Variants in TERT observed in about 807,000 individuals in gnomAD.
The protein encoded by TERT is telomerase reverse transcriptase, also known as telomerase catalytic subunit.
A neutral mutation model predicts 104.0 loss-of-function variants in TERT; 42 were observed. The ratio of observed to expected loss-of-function variants is 0.40; its 90% CI spans 0.32 to 0.52. The LOEUF is 0.52. Among genes scored for constraint, TERT ranks in the 20% least tolerant of loss-of-function variants. The probability of loss-of-function intolerance (pLI) is 0.43; values close to 1 mark genes in which losing one functional copy is unlikely to be tolerated. For missense variants in TERT, 1,101 were observed against 1,610.3 expected, an observed-to-expected ratio of 0.68 and a Z score of 5.41; for synonymous variants, 781 against 725.6, an observed-to-expected ratio of 1.08 and a Z score of -1.23.
Position 1,293,526 on chromosome 5 carries a change from G to A in TERT, c.1360C>T (p.Gln454Ter), listed in dbSNP as rs1399124852. Reference sequence around the variant, plus strand: ...TACACCTGCCAGGGGCTGCTGTGCTGGCGGAGCAGCTGCACCAGGCGACGG... The same window carrying A: ...TACACCTGCCAGGGGCTGCTGTGCTAGCGGAGCAGCTGCACCAGGCGACGG... ...DPRRLVQLLRQHSSPWQVYGF... is the reference protein window; with the variant it reads ...DPRRLVQLLR Residue 454 changes from glutamine (Q) to a stop codon, truncating the protein, a stop_gained, in exon 2 of 16, where the codon CAG (glutamine) becomes TAG (stop). Coordinates refer to ENST00000310581, the MANE Select transcript of TERT (RefSeq NM_198253.3). LOFTEE classifies it high-confidence loss of function. 6.4e-7 allele frequency: 1 copy of A among 1,561,042 alleles called. No individual in the cohort carries two copies. The highest frequency in any genetic ancestry group is 1.4e-5 in the African/African-American group (1 of 73,696).
intron 6 of TERT, among the ~76,000 whole-genome samples, chr5:1,277,042 C>T (rs575297797): frequency 3.9e-5 from 6 of 152,326 alleles, no homozygotes; most frequent in Non-Finnish European, 7.3e-5. Context: ...CCATACAGAG[C>T]GGGGCAGGAC....
At chr5:1,271,003 A>G in intron 8 of TERT, 116 bp downstream of exon 8, 3 of 817,590 alleles carry the variant, frequency 3.7e-6, no homozygotes, top group East Asian at 2.7e-5. Flanking sequence ...AGAAAAGGAG[A>G]CTCTGGTGGC....
Position 1,274,706 on chromosome 5 carries a change from C to T in TERT, c.2287-2426G>A, listed in dbSNP as rs910303043. On this transcript the variant is annotated intron_variant, in intron 6 of 15. Transcript: ENST00000310581. The surrounding 1 kb of genome is among the most constrained non-coding windows in gnomAD (Gnocchi z 5.3). ...ACACCCCACCTAGCCTCCCGCTGTG[C>T]GCCGGGTTCCTAACAGGCCCCAGAC... Among the ~76,000 whole-genome samples, 2 of 152,224 alleles carry T rather than the reference C, an allele frequency of 1.3e-5. No individual in the cohort carries two copies. The highest frequency in any genetic ancestry group is 2.4e-5 in the African/African-American group (1 of 41,464).
In TERT at chr5:1,268,427, C is replaced by T; in HGVS notation, c.2582+93G>A. ...GTCTGGTTCCTCAAGACAGAGCAGT[C>T]ATGGTCTCCAGAGCACCAGGAATAT... is the stretch of plus-strand genomic sequence containing the variant. On this transcript the variant is annotated intron_variant, in intron 9 of 15. Coordinates refer to ENST00000310581, the MANE Select transcript of TERT (RefSeq NM_198253.3). The surrounding 1 kb of genome is among the most constrained non-coding windows in gnomAD (Gnocchi z 5.5). 1 of 995,866 alleles carries T rather than the reference C, an allele frequency of 1.0e-6. No homozygotes were observed. The highest frequency in any genetic ancestry group is 1.4e-5 in the South Asian group (1 of 69,548). The allele number at this position is 995,866 out of a possible 1,614,324, so 61.7% of individuals were successfully genotyped here. A position where few individuals can be genotyped will look rare whatever the true frequency, so the allele number is the denominator to read the frequency against.
rs375454175 is a variant in TERT, at chr5:1,279,438, C to T, written c.1983G>A (p.Leu661=). ...CCCGCTCGTAGTTGAGCACGCTGAA[C>T]AGTGCCTTCACCCTCGAGGTGAGAC... ...AERLTSRVKA[L]FSVLNYERAR... is the part of the protein sequence containing the mutation. Residue 661 remains leucine (L), a synonymous_variant, in exon 5 of 16, where the codon CTG becomes CTA. Coordinates refer to ENST00000310581, the MANE Select transcript of TERT (RefSeq NM_198253.3). The T allele has an allele frequency of 2.4e-5, 37 of 1,550,744 alleles. No individual in the cohort carries two copies. The African/African-American group carries it at 4.6e-4, about 19-fold the overall frequency.
intron 2 of TERT, among the ~76,000 whole-genome samples, chr5:1,291,776 C>G (rs922287221): frequency 3.3e-5 from 5 of 152,236 alleles, no homozygotes; most frequent in African/African-American, 9.6e-5. Context: ...GGGACCACGC[C>G]TCACTCCCTG....
Position 1,255,453 on chromosome 5 carries a change from T to A in TERT, c.3033-42A>T, listed in dbSNP as rs1198323021. ...CAGCGTCAGAGGAAAGGCCTCCTAA[T>A]CAGACGGTGCTCGTGGGTGTGGGCA... On this transcript the variant is annotated intron_variant, in intron 13 of 15. Transcript: ENST00000310581. The surrounding 1 kb of genome is among the most constrained non-coding windows in gnomAD (Gnocchi z 6.9). 1 of 1,613,210 alleles carries A rather than the reference T, an allele frequency of 6.2e-7. No homozygotes were observed. Among genetic ancestry groups the A allele is most frequent in the Non-Finnish European group, 8.5e-7 (1 of 1,179,868 alleles).
chr5:1,253,841 C>CA lies in TERT; in HGVS notation c.3296-11dup. 1 of 1,603,872 alleles carries CA rather than the reference C, an allele frequency of 6.2e-7. No homozygotes were observed. The highest frequency in any genetic ancestry group is 8.5e-7 in the Non-Finnish European group (1 of 1,176,764). On this transcript the variant is annotated splice_polypyrimidine_tract_variant and intron_variant, in intron 15 of 15. Transcript: ENST00000310581. Reference sequence around the variant, plus strand: ...CTCAGCTGCGTCTGGGCTGCGGGGCCAAAATCAGACTCCGTTCCAGAAGAG... The same window carrying CA: ...CTCAGCTGCGTCTGGGCTGCGGGGCCAAAAATCAGACTCCGTTCCAGAAGAG...
rs201689770 is a variant in TERT, at chr5:1,260,498, A to G, written c.2946T>C (p.Cys982=). ...CCTGCAAATCCAGAAACAGGCTGTG[A>G]CACTTCAGCCGCAAGACCCCAAAGA... The part of the protein sequence containing the change: ...RKLFGVLRLK[C]HSLFLDLQVN... The change falls in exon 12 of 16, where the codon TGT becomes TGC. Residue 982 remains cysteine (C), a synonymous_variant. Transcript: ENST00000310581. 120 of 1,614,156 alleles carry G rather than the reference A, an allele frequency of 7.4e-5. 1 individual carries two copies. In the East Asian group the frequency reaches 2.4e-3, roughly 32 times the overall value.
rs1314321999 is a variant in TERT, at chr5:1,294,442, C to G, written c.444G>C (p.Val148=). The change falls in exon 2 of 16, where the codon GTG becomes GTC. Residue 148 remains valine, a synonymous_variant. Coordinates refer to ENST00000310581, the MANE Select transcript of TERT (RefSeq NM_198253.3). The stretch of plus-strand genomic sequence containing the variant: ...CGCAGCGTGCCAGCAGGTGAACCAG[C>G]ACGTCGTCGCCCACGCGGCGCAGCA... ...GLLLRRVGDD[V]LVHLLARCAL... 2.7e-5 allele frequency: 43 copies of G among 1,592,220 alleles called. No homozygotes were observed. The highest frequency in any genetic ancestry group is 3.4e-5 in the Non-Finnish European group (40 of 1,177,236).
intron 6 of TERT, among the ~76,000 whole-genome samples, chr5:1,276,867 T>C (rs931144233): frequency 6.6e-6 from 1 of 152,250 alleles, no homozygotes; most frequent in Non-Finnish European, 1.5e-5. Flanking sequence ...ACTGTGTTAG[T>C]GGACTGCGAT....
At chr5:1,278,565 G>A (rs1749775840) in intron 6 of TERT, 76 bp downstream of exon 6, 1 of 1,597,486 alleles carries the variant, frequency 6.3e-7, no homozygotes, top group Admixed American at 1.7e-5. Context: ...ACGCATCACA[G>A]ACACGACTGC....
chr5:1,278,826 G>C (rs761851691), intron 5 of TERT, 30 bp from the exon 6 acceptor site: 2 of 1,613,220 alleles, frequency 1.2e-6, no homozygotes, highest in African/African-American at 1.3e-5. Flanking sequence ...GAGACTGACA[G>C]TGGCCACGCA....
In TERT at chr5:1,272,235, C is replaced by A. The variant is rs781360741; in HGVS notation, c.2332G>T (p.Ala778Ser). 1.2e-5 allele frequency: 20 copies of A among 1,612,862 alleles called. No individual in the cohort carries two copies. Among genetic ancestry groups the A allele is most frequent in the Non-Finnish European group, 1.6e-5 (19 of 1,179,870 alleles). Reference sequence around the variant, plus strand: ...AGCGGGCTGGTCTCCTGCAGGTGAGCCACGAACTGTCGCATGTACGGCTGG... The same window carrying A: ...AGCGGGCTGGTCTCCTGCAGGTGAGACACGAACTGTCGCATGTACGGCTGG... ...DLQPYMRQFV[A>S]HLQETSPLRD... The change falls in exon 7 of 16, where the codon GCT becomes TCT. Residue 778 changes from alanine (A) to serine (S), a missense_variant. This residue lies in a region of TERT where 463 missense variants were observed against 797.5 expected (regional missense o/e 0.58). Coordinates refer to ENST00000310581, the MANE Select transcript of TERT (RefSeq NM_198253.3).
intron 2 of TERT, among the ~76,000 whole-genome samples, chr5:1,291,603 A>G (rs528538268): frequency 0.052 from 204 of 3,944 alleles, 10 homozygotes; most frequent in Middle Eastern, 0.083. Context: ...ACCCGGGGAC[A>G]GTGCCTCACT....
chr5:1,255,247 G>T lies in TERT; in HGVS notation c.3157+40C>A. 1 of 1,609,206 alleles carries T rather than the reference G, an allele frequency of 6.2e-7. No individual in the cohort carries two copies. Among genetic ancestry groups the T allele is most frequent in the East Asian group, 2.2e-5 (1 of 44,726 alleles). ...TCTCCTGACACACTAACACCAGCAG[G>T]CAGGCACTGCTGCCACTGAGGCCAG... On this transcript the variant is annotated intron_variant, in intron 14 of 15. Transcript: ENST00000310581. The surrounding 1 kb of genome is among the most constrained non-coding windows in gnomAD (Gnocchi z 6.9).
rs545571991 is a variant in TERT, at chr5:1,257,551, C to T, written c.3032+1047G>A. ...GAGAGAAGGCAGAGAGGAGGGCGGT[C>T]TGAGCCGGACGCACCCTGGAACTGA... On this transcript the variant is annotated intron_variant, in intron 13 of 15. Transcript: ENST00000310581. This position sits in a 1 kb window ranked among gnomAD's most constrained non-coding sequence, Gnocchi z 5.6. 1.3e-5 allele frequency among the ~76,000 whole-genome samples: 2 copies of T among 152,312 alleles called. No individual in the cohort carries two copies. Among genetic ancestry groups the T allele is most frequent in the Non-Finnish European group, 2.9e-5 (2 of 68,034 alleles).
At chr5:1,278,581 A>G in intron 6 of TERT, 60 bp downstream of exon 6, 1 of 1,609,612 alleles carries the variant, frequency 6.2e-7, no homozygotes. Context: ...ACTGCATTCT[A>G]GACACATTCA....
chr5:1,281,683 G>A (rs1162558218), intron 3 of TERT, among the ~76,000 whole-genome samples: 3 of 151,920 alleles, frequency 2.0e-5, no homozygotes, highest in Non-Finnish European at 1.5e-5. Flanking sequence ...CCTATCCCCA[G>A]GTGCTCCCTG....
Sources: allele counts gnomAD v4.1 joint callset (sites outside exome capture counted in the v4.1 genomes callset), GRCh38; gene constraint gnomAD v4.1.1; regional missense constraint gnomAD v4.1.1; non-coding constraint Gnocchi (gnomAD v3.1); transcripts MANE v1.5; gene names NCBI Gene and HGNC (gene_info 2026-07-23, HGNC 2026-07-21).